Variants in TNC observed in about 807,000 individuals in gnomAD.
TNC encodes tenascin C.
A neutral mutation model predicts 202.4 loss-of-function variants in TNC; 109 were observed. The observed-to-expected ratio is 0.54, with a 90% CI of 0.46 to 0.63. TNC has a LOEUF of 0.63. Ranked by LOEUF, TNC falls within the 30% of genes least tolerant of loss-of-function variation. The pLI is 0.00. For missense variants in TNC, 2,756 were observed against 2,833.3 expected, an observed-to-expected ratio of 0.97 and a Z score of 0.62; for synonymous variants, 1,007 against 1,089.7, an observed-to-expected ratio of 0.92 and a Z score of 1.50.
rs553607698 is a variant in TNC, at chr9:115,088,335, G to A, written c.458-1062C>T. On this transcript the variant is annotated intron_variant, in intron 2 of 27. Transcript: ENST00000350763. ...TATAACCAAAACATTCTAATTTTCC[G>A]CAACTAAAATGAGGTAGCTAATGGC... Among the ~76,000 whole-genome samples the A allele has an allele frequency of 6.6e-5, 10 of 152,252 alleles. No homozygotes were observed. The South Asian group carries it at 1.5e-3, about 22-fold the overall frequency.
At chr9:115,045,712 T>C (rs1831132645) in intron 17 of TNC, among the ~76,000 whole-genome samples, 1 of 151,812 alleles carries the variant, frequency 6.6e-6, no homozygotes. Flanking sequence ...ATCTTTTTTT[T>C]TTTTCTCCTT....
chr9:115,067,426 T>G (rs1833037762), intron 10 of TNC, among the ~76,000 whole-genome samples: 1 of 152,238 alleles, frequency 6.6e-6, no homozygotes, highest in Non-Finnish European at 1.5e-5. Flanking sequence ...AGTTACTGTC[T>G]TTTTTCTACG....
At chr9:115,095,618 A>G (rs867071783) in intron 1 of TNC, among the ~76,000 whole-genome samples, 2 of 2,622 alleles carry the variant, frequency 7.6e-4, no homozygotes, top group African/African-American at 1.9e-3. Context: ...GTATATATGT[A>G]TATATATATG....
chr9:115,026,150 G>A (rs1829461015), intron 26 of TNC, among the ~76,000 whole-genome samples: 1 of 152,162 alleles, frequency 6.6e-6, no homozygotes, highest in South Asian at 2.1e-4. Context: ...TCACAAGATC[G>A]CCAGTGGGTC....
chr9:115,055,181 T>C (rs994205295), intron 15 of TNC, among the ~76,000 whole-genome samples: 1 of 152,010 alleles, frequency 6.6e-6, no homozygotes, highest in African/African-American at 2.4e-5. Context: ...TTATTCAAGA[T>C]CAGATGAAAA....
chr9:115,045,763 C>T (rs546207814), intron 17 of TNC, among the ~76,000 whole-genome samples: 41 of 151,718 alleles, frequency 2.7e-4, no homozygotes, highest in Admixed American at 9.9e-4. Flanking sequence ...ACTCCAAGGA[C>T]ACTCTAGGTG....
chr9:115,083,017 C>T (rs552189226), intron 4 of TNC, among the ~76,000 whole-genome samples: 1 of 152,288 alleles, frequency 6.6e-6, no homozygotes, highest in Admixed American at 6.5e-5. Context: ...TTAATTTTGG[C>T]AATTTCATAT....
At chr9:115,081,621 T>C in intron 6 of TNC, 151 bp downstream of exon 6, 3 of 872,776 alleles carry the variant, frequency 3.4e-6, no homozygotes, top group African/African-American at 1.7e-5. Context: ...ATGCAAAGAA[T>C]TGTTATTTTA....
Position 115,048,528 on chromosome 9 carries a change from G to A in TNC, c.4584C>T (p.Ala1528=). 1 of 1,610,418 alleles carries A rather than the reference G, an allele frequency of 6.2e-7. No individual in the cohort carries two copies. Among genetic ancestry groups the A allele is most frequent in the Non-Finnish European group, 8.5e-7 (1 of 1,178,562 alleles). The change falls in exon 16 of 28, where the codon GCC becomes GCT. Residue 1528 remains alanine (A), a synonymous_variant. Transcript: ENST00000350763. ...TGGTTAGGTTTTCCAGAAGGGGCAGGGCCTCTGAAAGAAGGGAGGAGTGAA... is the reference window on the plus strand; with the variant it reads ...TGGTTAGGTTTTCCAGAAGGGGCAGAGCCTCTGAAAGAAGGGAGGAGTGAA... The part of the protein sequence containing the change: ...KTISATATTE[A]LPLLENLTIS...
intron 18 of TNC, among the ~76,000 whole-genome samples, chr9:115,041,588 G>A (rs2131977668): frequency 6.6e-6 from 1 of 152,330 alleles, no homozygotes; most frequent in South Asian, 2.1e-4. Context: ...CTTAGAATTT[G>A]GGGGCTAGTG....
chr9:115,030,133 A>T, intron 24 of TNC, 121 bp downstream of exon 24: 1 of 1,027,196 alleles, frequency 9.7e-7, no homozygotes, highest in Non-Finnish European at 1.4e-6. Flanking sequence ...CTATCTTGCA[A>T]GGCCTCACAC....
At chr9:115,108,731 G>A (rs1192861596) in intron 1 of TNC, among the ~76,000 whole-genome samples, 1 of 152,202 alleles carries the variant, frequency 6.6e-6, no homozygotes, top group Non-Finnish European at 1.5e-5. Context: ...AGTTGGCAGA[G>A]TCTTTGGGAG....
At chr9:115,111,674 G>A (rs1588246770) in intron 1 of TNC, among the ~76,000 whole-genome samples, 1 of 152,124 alleles carries the variant, frequency 6.6e-6, no homozygotes, top group East Asian at 1.9e-4. Context: ...GGCTCCCAAA[G>A]TGCTGGGATT....
chr9:115,086,667 C>G lies in TNC; in HGVS notation c.1064G>C (p.Arg355Pro), dbSNP rs199803927. ...TCPHACHTQG[R>P]CEEGQCVCDE... Reference sequence around the variant, plus strand: ...ACATACACACTGCCCCTCCTCACACCGGCCCTGGGTGTGGCAGGCATGTGG... The same window carrying G: ...ACATACACACTGCCCCTCCTCACACGGGCCCTGGGTGTGGCAGGCATGTGG... Residue 355 changes from arginine to proline, a missense_variant, in exon 3 of 28, where the codon CGG becomes CCG. By Grantham distance (103) the Arg-to-Pro change is moderately radical. Coordinates refer to ENST00000350763, the MANE Select transcript of TNC (RefSeq NM_002160.4). 4.3e-6 allele frequency: 7 copies of G among 1,614,072 alleles called. No homozygotes were observed. In the African/African-American group the frequency reaches 9.3e-5, roughly 22 times the overall value.
chr9:115,035,599 C>A, intron 21 of TNC: 2 of 358,488 alleles, frequency 5.6e-6, no homozygotes, highest in Non-Finnish European at 1.0e-5. Context: ...CTGTGAACAT[C>A]ATTATCAAGC....
intron 15 of TNC, among the ~76,000 whole-genome samples, chr9:115,049,517 T>C (rs1854707): frequency 0.64 from 97,655 of 151,940 alleles, 32,121 homozygotes; most frequent in African/African-American, 0.78. Context: ...CAATCAGGTC[T>C]TCCGACTCCA....
At chr9:115,106,748 A>C (rs1836647638) in intron 1 of TNC, among the ~76,000 whole-genome samples, 1 of 152,140 alleles carries the variant, frequency 6.6e-6, no homozygotes, top group South Asian at 2.1e-4. Context: ...TATCTAAAAA[A>C]CGTGTGGTTT....
intron 13 of TNC, 86 bp from the exon 14 acceptor site, chr9:115,060,088 G>C (rs865995839): frequency 3.7e-6 from 5 of 1,358,948 alleles, no homozygotes; most frequent in Non-Finnish European, 3.9e-6. Flanking sequence ...CTAGGAAAGA[G>C]AGAAAGGGGA....
chr9:115,084,508 G>C (rs534040481), intron 3 of TNC, 36 bp from the exon 4 acceptor site: 1 of 1,602,430 alleles, frequency 6.2e-7, no homozygotes, highest in African/African-American at 1.3e-5. Flanking sequence ...GGTGTCAACA[G>C]TGTGTCCTCT....
Sources: gnomAD v4.1 joint callset for allele counts (sites outside exome capture counted in the v4.1 genomes callset) on GRCh38, gnomAD v4.1.1 for gene constraint, MANE v1.5 for transcripts, NCBI Gene and HGNC (gene_info 2026-07-23, HGNC 2026-07-21) for gene names.